TBC1D23: variants seen among roughly 807,000 people sequenced by gnomAD.
TBC1D23 encodes TBC1 domain family member 23.
In TBC1D23, 55 loss-of-function variants were observed where a neutral mutation model predicts 91.4. The ratio of observed to expected loss-of-function variants is 0.60; its 90% CI spans 0.48 to 0.75. The LOEUF (loss-of-function observed/expected upper bound fraction) is 0.75, where lower values mean the gene tolerates loss of function less well. TBC1D23 is among the 30% of genes least tolerant of loss of function. TBC1D23 has a pLI of 0.00. For missense variants in TBC1D23, 725 were observed against 836.1 expected (o/e 0.87, Z 1.64); for synonymous variants, 289 against 281.0 (o/e 1.03, Z -0.28).
chr3:100,278,283 A>G (rs1374597631), intron 1 of TBC1D23, among the ~76,000 whole-genome samples: 2 of 152,224 alleles, frequency 1.3e-5, no homozygotes, highest in African/African-American at 2.4e-5. Context: ...CAGATTGTCC[A>G]GGTTATGAAG....
intron 14 of TBC1D23, among the ~76,000 whole-genome samples, chr3:100,311,359 T>G (rs1199278816): frequency 6.6e-6 from 1 of 152,212 alleles, no homozygotes; most frequent in East Asian, 1.9e-4. Flanking sequence ...AAGCACATTT[T>G]TCTGCATTTA....
chr3:100,316,377 A>G (rs1161003773), intron 16 of TBC1D23, among the ~76,000 whole-genome samples, 190 bp downstream of exon 16: 1 of 152,168 alleles, frequency 6.6e-6, no homozygotes, highest in East Asian at 1.9e-4. Context: ...TTAGAAATCC[A>G]AGCACCAACA....
At chr3:100,293,322 A>G (rs886452522) in intron 5 of TBC1D23, among the ~76,000 whole-genome samples, 5 of 152,092 alleles carry the variant, frequency 3.3e-5, no homozygotes, top group Non-Finnish European at 2.9e-5. Flanking sequence ...TTTATTAGAG[A>G]TGGGATTTCA....
chr3:100,293,934 G>T (rs2067815389), intron 5 of TBC1D23, among the ~76,000 whole-genome samples: 1 of 152,186 alleles, frequency 6.6e-6, no homozygotes, highest in African/African-American at 2.4e-5. Flanking sequence ...TAATAGTTTA[G>T]TATTAGCTTA....
rs113739118 is a variant in TBC1D23, at chr3:100,320,958, T to C, written c.2005T>C (p.Leu669=). The change falls in exon 18 of 19, where the codon TTG becomes CTG. Residue 669 remains leucine, a synonymous_variant. Transcript: ENST00000394144. ...TAGCAGTGCTTCAGGAATAGAAATC[T>C]TGGCAATCGAAAGGTAAGATTTTCC... ...GNSSASGIEI[L]AIERYLIPNA... is the part of the protein sequence containing the mutation. 9.7e-4 allele frequency: 1,541 copies of C among 1,595,310 alleles called. 3 individuals carry two copies. The highest frequency in any genetic ancestry group is 1.2e-3 in the Non-Finnish European group (1,394 of 1,173,898).
chr3:100,319,052 CT>C lies in TBC1D23; in HGVS notation c.1688-14del, dbSNP rs753869165. On this transcript the variant is annotated splice_polypyrimidine_tract_variant and intron_variant, in intron 16 of 18. Transcript: ENST00000394144. ...AAGTTGGTAATATCCATATTTAATA[CT>C]TTGTATTTTTTATAGATGAAATTGA... The C allele has an allele frequency of 1.3e-6, 2 of 1,493,848 alleles. No homozygotes were observed. Among genetic ancestry groups the C allele is most frequent in the East Asian group, 2.3e-5 (1 of 43,884 alleles). The allele number at this position is 1,493,848 out of a possible 1,614,324, so 92.5% of individuals were successfully genotyped here.
intron 13 of TBC1D23, among the ~76,000 whole-genome samples, chr3:100,308,348 G>A (rs1044147877): frequency 2.0e-5 from 3 of 152,124 alleles, no homozygotes; most frequent in South Asian, 4.2e-4. Context: ...GGTGGCAGGC[G>A]CCTGTAGTCC....
rs984241649 is a variant in TBC1D23 at position 100,290,514 on chromosome 3, G to C, written c.477-64G>C. The stretch of plus-strand genomic sequence containing the variant: ...CTGTGGAGGGTATAGCAGGAAGATT[G>C]GTTACTGATGTGATTATTTCTGATC... On this transcript the variant is annotated intron_variant, in intron 4 of 18. Transcript: ENST00000394144. 14 of 1,466,950 alleles carry C rather than the reference G, an allele frequency of 9.5e-6. No individual in the cohort carries two copies. The Middle Eastern group carries it at 7.9e-4, about 83-fold the overall frequency. 90.9% of individuals were successfully genotyped at this position (1,466,950 alleles called of 1,614,324 possible). A position where few individuals can be genotyped will look rare whatever the true frequency, so the allele number is the denominator to read the frequency against.
intron 1 of TBC1D23, among the ~76,000 whole-genome samples, chr3:100,264,317 CTTT>C (rs532886996): frequency 2.1e-5 from 3 of 143,894 alleles, no homozygotes; most frequent in Non-Finnish European, 4.5e-5. Context: ...CCCTCTCTTT[CTTT>C]ATCTCTCTTT....
intron 17 of TBC1D23, among the ~76,000 whole-genome samples, chr3:100,320,137 T>A (rs1705823998): frequency 6.6e-6 from 1 of 152,086 alleles, no homozygotes; most frequent in African/African-American, 2.4e-5. Flanking sequence ...TCGCTTCCCT[T>A]TTCTCTTCAT....
intron 18 of TBC1D23, among the ~76,000 whole-genome samples, chr3:100,321,690 G>A (rs1176986465): frequency 1.3e-5 from 2 of 152,030 alleles, no homozygotes; most frequent in African/African-American, 2.4e-5. Flanking sequence ...AGGTTATATC[G>A]CAGCACTTTT....
At chr3:100,303,881 T>A (rs1361355618) in intron 11 of TBC1D23, among the ~76,000 whole-genome samples, 10 of 152,220 alleles carry the variant, frequency 6.6e-5, no homozygotes, top group Non-Finnish European at 1.5e-5. Flanking sequence ...TTATTCGAGT[T>A]CTTTATGTGG....
rs1382364636 is a variant in TBC1D23 at position 100,315,785 on chromosome 3, A to G, written c.1599-314A>G. ...GAGGAATCAGAAACACAAAAGGCTA[A>G]ATAACTTCCGCAAGGCCAAACAGAT... On this transcript the variant is annotated intron_variant, in intron 15 of 18. Coordinates refer to ENST00000394144, the MANE Select transcript of TBC1D23 (RefSeq NM_001199198.3). 2.3e-5 allele frequency: 7 copies of G among 308,122 alleles called. No homozygotes were observed. The East Asian group carries it at 4.3e-4, about 19-fold the overall frequency. 19.1% of individuals were successfully genotyped at this position (308,122 alleles called of 1,614,324 possible).
At chr3:100,271,282 A>G (rs1462346223) in intron 1 of TBC1D23, among the ~76,000 whole-genome samples, 2 of 152,224 alleles carry the variant, frequency 1.3e-5, no homozygotes, top group African/African-American at 2.4e-5. Context: ...TATATTGTCA[A>G]GAATTCTTTG....
At chr3:100,285,399 T>G (rs1326175998) in intron 4 of TBC1D23, among the ~76,000 whole-genome samples, 2 of 152,230 alleles carry the variant, frequency 1.3e-5, no homozygotes, top group Non-Finnish European at 2.9e-5. Context: ...AGGTTCATAT[T>G]GTATCATATA....
intron 15 of TBC1D23, 103 bp downstream of exon 15, chr3:100,311,980 C>A: frequency 1.3e-6 from 1 of 748,146 alleles, no homozygotes; most frequent in Non-Finnish European, 2.2e-6. Flanking sequence ...TTTCATGCAG[C>A]TATTTCAAAT....
At chr3:100,319,439 T>C (rs1027602564) in intron 17 of TBC1D23, among the ~76,000 whole-genome samples, 8 of 152,064 alleles carry the variant, frequency 5.3e-5, no homozygotes, top group African/African-American at 1.9e-4. Flanking sequence ...TCTTTTTTTT[T>C]CTTTTTGAGA....
At chr3:100,309,821 G>T (rs190345500) in intron 13 of TBC1D23, among the ~76,000 whole-genome samples, 2 of 146,082 alleles carry the variant, frequency 1.4e-5, no homozygotes, top group Admixed American at 1.3e-4. Flanking sequence ...ATGTTGGCCA[G>T]TCTGGTCTTG....
In TBC1D23 at chr3:100,324,005, A is replaced by T. The variant is rs1214372; in HGVS notation, c.*337A>T. 0.68 allele frequency: 103,831 copies of T among 153,412 alleles called. 36,184 individuals carry two copies. The highest frequency in any genetic ancestry group is 0.95 in the East Asian group (5,031 of 5,272). The allele number at this position is 153,412 out of a possible 1,614,324, so 9.5% of individuals were successfully genotyped here. ...TAAGGGAACATGCATCACTTTCGGG[A>T]TCAAAAACAACTGTACACATACATA... On this transcript the variant is annotated 3_prime_UTR_variant, in exon 19 of 19. Coordinates refer to ENST00000394144, the MANE Select transcript of TBC1D23 (RefSeq NM_001199198.3).
Sources: allele counts gnomAD v4.1 joint callset (sites outside exome capture counted in the v4.1 genomes callset), GRCh38; gene constraint gnomAD v4.1.1; transcripts MANE v1.5; gene names NCBI Gene and HGNC (gene_info 2026-07-23, HGNC 2026-07-21).